SLC33A1: variants seen among roughly 807,000 people sequenced by gnomAD.
SLC33A1 encodes solute carrier family 33 member 1, also known as acetyl-coenzyme A transporter 1.
Under a neutral mutation model 50.0 loss-of-function variants are expected in SLC33A1, and 20 were observed. The ratio of observed to expected loss-of-function variants is 0.40; its 90% CI spans 0.28 to 0.58. The LOEUF is 0.58. Ranked by LOEUF, SLC33A1 falls within the 20% of genes least tolerant of loss-of-function variation. The probability of loss-of-function intolerance (pLI) is 0.44; values close to 1 mark genes in which losing one functional copy is unlikely to be tolerated. For missense variants in SLC33A1, 476 were observed against 657.0 expected, an observed-to-expected ratio of 0.72 and a Z score of 3.01; for synonymous variants, 265 against 251.8, an observed-to-expected ratio of 1.05 and a Z score of -0.50.
chr3:155,839,021 G>C (rs1338489962), intron 2 of SLC33A1, among the ~76,000 whole-genome samples: 1 of 151,834 alleles, frequency 6.6e-6, no homozygotes, highest in Non-Finnish European at 1.5e-5. Context: ...AGGTGCAGTG[G>C]CTCACACCTG....
Position 155,853,362 on chromosome 3 carries a change from A to G in SLC33A1, c.636T>C (p.Tyr212=), listed in dbSNP as rs769283119. The change falls in exon 1 of 6, where the codon TAT becomes TAC. Residue 212 remains tyrosine (Y), a synonymous_variant. Coordinates refer to ENST00000643144, the MANE Select transcript of SLC33A1 (RefSeq NM_004733.4). ...LTMLSRENVG[Y]ASTCNSVGQT... is the part of the protein sequence containing the mutation. Reference sequence around the variant, plus strand: ...GGCCCACCGAATTGCAAGTAGAAGCATAACCCACATTTTCCCTGGATAACA... The same window carrying G: ...GGCCCACCGAATTGCAAGTAGAAGCGTAACCCACATTTTCCCTGGATAACA... 1.2e-6 allele frequency: 2 copies of G among 1,614,160 alleles called. No homozygotes were observed. Among genetic ancestry groups the G allele is most frequent in the Non-Finnish European group, 1.7e-6 (2 of 1,180,046 alleles).
At position 155,826,891 on chromosome 3, in the gene SLC33A1, T is replaced by A. The variant is rs1330217193; in HGVS notation, c.*1319A>T. ...ACAATGATAAAATTAAGACTCATAATGTACTATCTTGTTTCGTCTAACTTT... is the reference window on the plus strand; with the variant it reads ...ACAATGATAAAATTAAGACTCATAAAGTACTATCTTGTTTCGTCTAACTTT... On this transcript the variant is annotated 3_prime_UTR_variant, in exon 6 of 6. Transcript: ENST00000643144. The A allele has an allele frequency of 6.6e-6, 1 of 152,228 alleles. No individual in the cohort carries two copies. The highest frequency in any genetic ancestry group is 1.5e-5 in the Non-Finnish European group (1 of 68,038). The allele number at this position is 152,228 out of a possible 1,614,324, so 9.4% of individuals were successfully genotyped here. A position where few individuals can be genotyped will look rare whatever the true frequency, so the allele number is the denominator to read the frequency against.
chr3:155,852,106 T>C lies in SLC33A1; in HGVS notation c.775+1117A>G, dbSNP rs1035964625. Among the ~76,000 whole-genome samples, 91 of 152,318 alleles carry C rather than the reference T, an allele frequency of 6.0e-4. 1 individual carries two copies. Among genetic ancestry groups the C allele is most frequent in the African/African-American group, 2.1e-3 (86 of 41,570 alleles). On this transcript the variant is annotated intron_variant, in intron 1 of 5. Coordinates refer to ENST00000643144, the MANE Select transcript of SLC33A1 (RefSeq NM_004733.4). ...ATTCCTGACATTGTTATTCCTGATA[T>C]TGGTCATTTTACTTGTTTTCTAGTT...
intron 2 of SLC33A1, among the ~76,000 whole-genome samples, chr3:155,839,138 T>C (rs957954845): frequency 1.3e-5 from 2 of 149,814 alleles, no homozygotes; most frequent in Admixed American, 6.7e-5. Flanking sequence ...AAAATAAAAA[T>C]GAAAATAAAA....
chr3:155,832,460 T>C (rs1286721506), intron 4 of SLC33A1, among the ~76,000 whole-genome samples: 1 of 151,714 alleles, frequency 6.6e-6, no homozygotes, highest in Non-Finnish European at 1.5e-5. Flanking sequence ...TACAAACATA[T>C]TTAACAAAGA....
In SLC33A1 at chr3:155,829,677, A is replaced by G. The variant is rs1752331416; in HGVS notation, c.1482+11T>C. 6.3e-7 allele frequency: 1 copy of G among 1,588,230 alleles called. No homozygotes were observed. The highest frequency in any genetic ancestry group is 8.6e-7 in the Non-Finnish European group (1 of 1,156,328). On this transcript the variant is annotated intron_variant, in intron 5 of 5. Coordinates refer to ENST00000643144, the MANE Select transcript of SLC33A1 (RefSeq NM_004733.4). ...TTAGCTTAATGTTATCTAAAATTAAAACATACTTACCTCAACAGCATCAGG... is the reference window on the plus strand; with the variant it reads ...TTAGCTTAATGTTATCTAAAATTAAGACATACTTACCTCAACAGCATCAGG...
intron 1 of SLC33A1, among the ~76,000 whole-genome samples, chr3:155,849,879 C>CA (rs1753328879): frequency 6.8e-6 from 1 of 147,570 alleles, no homozygotes. Context: ...CTGCACTCTA[C>CA]CCTGGGCGAC....
intron 2 of SLC33A1, among the ~76,000 whole-genome samples, chr3:155,841,554 C>T (rs1454340540): frequency 6.6e-6 from 1 of 152,088 alleles, no homozygotes; most frequent in Non-Finnish European, 1.5e-5. Context: ...ACAAAATATA[C>T]TTACCTTATT....
intron 1 of SLC33A1, among the ~76,000 whole-genome samples, chr3:155,846,467 T>A (rs2107995913): frequency 6.6e-6 from 1 of 152,086 alleles, no homozygotes; most frequent in East Asian, 1.9e-4. Flanking sequence ...TTTTTTTTTT[T>A]TTTGAGACTG....
intron 2 of SLC33A1, among the ~76,000 whole-genome samples, chr3:155,837,543 G>C (rs9851800): frequency 0.2 from 30,074 of 151,938 alleles, 7,587 homozygotes; most frequent in African/African-American, 0.58. Context: ...ATTTACCAAT[G>C]AGAAATGTGC....
Position 155,822,417 on chromosome 3 carries a change from C to T in SLC33A1, c.*5793G>A, listed in dbSNP as rs999425948. On this transcript the variant is annotated 3_prime_UTR_variant, in exon 6 of 6. Coordinates refer to ENST00000643144, the MANE Select transcript of SLC33A1 (RefSeq NM_004733.4). The stretch of plus-strand genomic sequence containing the variant: ...CCTGACCAACATGGTGAAACCCCGT[C>T]TATACTATACAAAAAAATTAGCCAG... 6.6e-6 allele frequency: 1 copy of T among 151,890 alleles called. No homozygotes were observed. The highest frequency in any genetic ancestry group is 1.9e-4 in the East Asian group (1 of 5,146). The allele number at this position is 151,890 out of a possible 1,614,324, so 9.4% of individuals were successfully genotyped here.
intron 4 of SLC33A1, among the ~76,000 whole-genome samples, chr3:155,832,897 A>G (rs1752502773): frequency 6.6e-6 from 1 of 152,122 alleles, no homozygotes; most frequent in Non-Finnish European, 1.5e-5. Context: ...CTTTGGAATC[A>G]ATTCTAAAAT....
intron 1 of SLC33A1, among the ~76,000 whole-genome samples, chr3:155,847,235 T>A (rs1403482132): frequency 6.6e-6 from 1 of 152,014 alleles, no homozygotes; most frequent in African/African-American, 2.4e-5. Flanking sequence ...ATACAGTTTG[T>A]TTTTCTGAGA....
At chr3:155,834,187 C>T in intron 2 of SLC33A1, 146 bp from the exon 3 acceptor site, 1 of 657,352 alleles carries the variant, frequency 1.5e-6, no homozygotes, top group African/African-American at 1.8e-5. Context: ...CCTGGTACAA[C>T]AGTCAAGTTA....
At chr3:155,847,819 T>G (rs1454787953) in intron 1 of SLC33A1, among the ~76,000 whole-genome samples, 2 of 152,152 alleles carry the variant, frequency 1.3e-5, no homozygotes, top group Admixed American at 1.3e-4. Context: ...GTTTTTATTG[T>G]CATTAGTTTG....
At chr3:155,836,286 A>T in intron 2 of SLC33A1, among the ~76,000 whole-genome samples, 1 of 122,056 alleles carries the variant, frequency 8.2e-6, no homozygotes, top group South Asian at 2.3e-4. Context: ...CTGTCAAAAA[A>T]AAAAAAAAAA....
chr3:155,839,707 G>A (rs142407139), intron 2 of SLC33A1, among the ~76,000 whole-genome samples: 7 of 152,192 alleles, frequency 4.6e-5, no homozygotes, highest in Admixed American at 6.5e-5. Flanking sequence ...CCAGGACTTC[G>A]GGAGTCTAGG....
chr3:155,849,201 C>T (rs903015568), intron 1 of SLC33A1, among the ~76,000 whole-genome samples: 3 of 151,970 alleles, frequency 2.0e-5, no homozygotes, highest in East Asian at 1.9e-4. Context: ...AGGTGTGAGC[C>T]GCTGCACCTG....
rs909735693 is a variant in SLC33A1 at position 155,853,950 on chromosome 3, T to C, written c.48A>G (p.Pro16=). 1.3e-6 allele frequency: 2 copies of C among 1,536,966 alleles called. No individual in the cohort carries two copies. The highest frequency in any genetic ancestry group is 2.2e-5 in the Admixed American group (1 of 45,742). The change falls in exon 1 of 6, where the codon CCA becomes CCG. Residue 16 remains proline (P), a synonymous_variant. Transcript: ENST00000643144. ...TATCCAGAGAGTGACTGAAATTCCC[T>C]GGCCGCCGTTGCCGGCTGCTGTCCT... ...SHKDSSRQRR[P]GNFSHSLDMK... is the part of the protein sequence containing the mutation.
Sources: gnomAD v4.1 joint callset for allele counts (sites outside exome capture counted in the v4.1 genomes callset) on GRCh38, gnomAD v4.1.1 for gene constraint, MANE v1.5 for transcripts, NCBI Gene and HGNC (gene_info 2026-07-23, HGNC 2026-07-21) for gene names.